The following SUGT1 variants were observed in gnomAD, a reference collection of about 807,000 sequenced individuals.
SUGT1 encodes SGT1 assembly cochaperone of MIS12 kinetochore complex.
SUGT1 carries 15 observed loss-of-function variants against 56.1 expected under a neutral mutation model. The observed-to-expected ratio is 0.27, with a 90% CI of 0.18 to 0.41. SUGT1 has a LOEUF of 0.41. Ranked by LOEUF, SUGT1 falls within the 10% of genes least tolerant of loss-of-function variation. SUGT1 has a pLI of 1.00. For missense variants in SUGT1, 347 were observed against 382.2 expected (o/e 0.91, Z 0.77); for synonymous variants, 123 against 128.6 (o/e 0.96, Z 0.30).
At position 52,695,542 on chromosome 13, in the gene SUGT1, T is replaced by C. The variant is rs918665840; in HGVS notation, c.*7707T>C. 3 of 152,228 alleles carry C rather than the reference T, an allele frequency of 2.0e-5. No individual in the cohort carries two copies. The highest frequency in any genetic ancestry group is 4.8e-5 in the African/African-American group (2 of 41,456). 9.4% of individuals were successfully genotyped at this position (152,228 alleles called of 1,614,324 possible). On this transcript the variant is annotated 3_prime_UTR_variant, in exon 13 of 13. Coordinates refer to ENST00000310528, the MANE Select transcript of SUGT1 (RefSeq NM_006704.5). Reference sequence around the variant, plus strand: ...AAATTATGTTACCAATAAATGCTACTTAAATGTAAAGTCCTTGATTTATTT... The same window carrying C: ...AAATTATGTTACCAATAAATGCTACCTAAATGTAAAGTCCTTGATTTATTT...
chr13:52,674,137 C>T (rs1192347806), intron 10 of SUGT1, among the ~76,000 whole-genome samples: 2 of 147,194 alleles, frequency 1.4e-5, no homozygotes, highest in African/African-American at 5.0e-5. Flanking sequence ...TCACTGCAGC[C>T]TCCGCCTCCC....
At chr13:52,662,280 C>T (rs1962492004) in intron 5 of SUGT1, among the ~76,000 whole-genome samples, 1 of 152,154 alleles carries the variant, frequency 6.6e-6, no homozygotes, top group Non-Finnish European at 1.5e-5. Flanking sequence ...CAAGCCTCCT[C>T]CCCACCCTAA....
intron 12 of SUGT1, among the ~76,000 whole-genome samples, chr13:52,685,200 T>G (rs9526980): frequency 0.99 from 148,952 of 150,070 alleles, 73,923 homozygotes; most frequent in East Asian, 1. Context: ...CTAAGTAGCT[T>G]GCACTATAGG....
chr13:52,656,913 A>G (rs754219051), intron 2 of SUGT1, among the ~76,000 whole-genome samples: 22 of 152,228 alleles, frequency 1.4e-4, no homozygotes, highest in Non-Finnish European at 2.8e-4. Context: ...TTGTGACTGC[A>G]CAAGTTAAAA....
chr13:52,666,723 T>C (rs1962719720), intron 9 of SUGT1, 89 bp from the exon 10 acceptor site: 2 of 817,328 alleles, frequency 2.4e-6, no homozygotes, highest in Non-Finnish European at 4.0e-6. Context: ...ATTTGTAACA[T>C]TATTGAAGAT....
At chr13:52,655,178 T>C (rs1385881252) in intron 2 of SUGT1, among the ~76,000 whole-genome samples, 1 of 152,178 alleles carries the variant, frequency 6.6e-6, no homozygotes, top group Non-Finnish European at 1.5e-5. Flanking sequence ...ACCCCGTCTC[T>C]ATTAAAAATA....
intron 10 of SUGT1, among the ~76,000 whole-genome samples, chr13:52,671,521 C>G (rs894001822): frequency 2.6e-5 from 4 of 152,136 alleles, no homozygotes; most frequent in African/African-American, 9.7e-5. Context: ...TGAATTATCT[C>G]ATGTAATTCT....
chr13:52,655,295 A>G (rs1265357035), intron 2 of SUGT1, among the ~76,000 whole-genome samples: 3 of 152,208 alleles, frequency 2.0e-5, no homozygotes, highest in Non-Finnish European at 4.4e-5. Context: ...GTGAGCTGAG[A>G]TCGCGCCATT....
rs996945797 is a variant in SUGT1, at chr13:52,696,424, G to A, written c.*8589G>A. On this transcript the variant is annotated 3_prime_UTR_variant, in exon 13 of 13. Coordinates refer to ENST00000310528, the MANE Select transcript of SUGT1 (RefSeq NM_006704.5). The stretch of plus-strand genomic sequence containing the variant: ...ATGTTATAGGGTTAGTTGCGGCTGT[G>A]TCTGTTTTACCTTGTGTGTCTTGGT... 1 of 152,120 alleles carries A rather than the reference G, an allele frequency of 6.6e-6. No homozygotes were observed. Among genetic ancestry groups the A allele is most frequent in the African/African-American group, 2.4e-5 (1 of 41,404 alleles). 9.4% of individuals were successfully genotyped at this position (152,120 alleles called of 1,614,324 possible). A position where few individuals can be genotyped will look rare whatever the true frequency, so the allele number is the denominator to read the frequency against.
At position 52,695,381 on chromosome 13, in the gene SUGT1, TA is replaced by T. The variant is rs1481423961; in HGVS notation, c.*7550del. ...GTAGTAACTTATGAATCTAGACTCT[TA>T]AAATCCCAGTTCTGATACTTTCATA... On this transcript the variant is annotated 3_prime_UTR_variant, in exon 13 of 13. Coordinates refer to ENST00000310528, the MANE Select transcript of SUGT1 (RefSeq NM_006704.5). 2 of 152,224 alleles carry T rather than the reference TA, an allele frequency of 1.3e-5. No individual in the cohort carries two copies. Among genetic ancestry groups the T allele is most frequent in the African/African-American group, 2.4e-5 (1 of 41,446 alleles). 9.4% of individuals were successfully genotyped at this position (152,224 alleles called of 1,614,324 possible).
chr13:52,694,159 A>G lies in SUGT1; in HGVS notation c.*6324A>G, dbSNP rs919701954. The G allele has an allele frequency of 1.3e-5, 2 of 152,214 alleles. No individual in the cohort carries two copies. Among genetic ancestry groups the G allele is most frequent in the East Asian group, 1.9e-4 (1 of 5,200 alleles). 9.4% of individuals were successfully genotyped at this position (152,214 alleles called of 1,614,324 possible). A position where few individuals can be genotyped will look rare whatever the true frequency, so the allele number is the denominator to read the frequency against. The stretch of plus-strand genomic sequence containing the variant: ...TCTAAAATCCAAAATTCTGACTTCA[A>G]AAACTCATCTGAGGGTTTTGGAATT... On this transcript the variant is annotated 3_prime_UTR_variant, in exon 13 of 13. Transcript: ENST00000310528.
chr13:52,670,272 A>G (rs920965836), intron 10 of SUGT1, among the ~76,000 whole-genome samples: 4 of 152,194 alleles, frequency 2.6e-5, no homozygotes, highest in Non-Finnish European at 4.4e-5. Context: ...GTAGTATCCA[A>G]TATGTTTTTC....
chr13:52,695,295 C>T lies in SUGT1; in HGVS notation c.*7460C>T, dbSNP rs1423839335. On this transcript the variant is annotated 3_prime_UTR_variant, in exon 13 of 13. Transcript: ENST00000310528. Reference sequence around the variant, plus strand: ...TTGTTATTATTTTGCTATTTCAAAACAATTGACTTTAAAAAATTATACTTC... The same window carrying T: ...TTGTTATTATTTTGCTATTTCAAAATAATTGACTTTAAAAAATTATACTTC... 6.6e-6 allele frequency: 1 copy of T among 152,050 alleles called. No individual in the cohort carries two copies. Among genetic ancestry groups the T allele is most frequent in the East Asian group, 1.9e-4 (1 of 5,196 alleles). The allele number at this position is 152,050 out of a possible 1,614,324, so 9.4% of individuals were successfully genotyped here. A position where few individuals can be genotyped will look rare whatever the true frequency, so the allele number is the denominator to read the frequency against.
At chr13:52,676,622 GT>G (rs1225355457) in intron 11 of SUGT1, among the ~76,000 whole-genome samples, 1 of 152,086 alleles carries the variant, frequency 6.6e-6, no homozygotes. Context: ...GGCCCTTCCT[GT>G]TGTTTCTTTT....
At chr13:52,657,297 A>C (rs918866713) in intron 2 of SUGT1, among the ~76,000 whole-genome samples, 4 of 152,236 alleles carry the variant, frequency 2.6e-5, no homozygotes, top group Admixed American at 6.5e-5. Flanking sequence ...ACCAGGAACT[A>C]AAAGCTTTAC....
intron 10 of SUGT1, among the ~76,000 whole-genome samples, chr13:52,675,599 C>T (rs1340539444): frequency 2.0e-5 from 3 of 152,124 alleles, no homozygotes; most frequent in Non-Finnish European, 4.4e-5. Flanking sequence ...AAAAATCTCC[C>T]ACAGCCTTGA....
rs1963701504 is a variant in SUGT1, at chr13:52,689,240, G to A, written c.*1405G>A. 6.6e-6 allele frequency: 1 copy of A among 152,074 alleles called. No individual in the cohort carries two copies. The highest frequency in any genetic ancestry group is 1.5e-5 in the Non-Finnish European group (1 of 68,026). The allele number at this position is 152,074 out of a possible 1,614,324, so 9.4% of individuals were successfully genotyped here. Reference sequence around the variant, plus strand: ...TTATAGCTTGTTTAAGCATTCTAGAGTTTTCACTTGTCCTTCTGTCCACTT... The same window carrying A: ...TTATAGCTTGTTTAAGCATTCTAGAATTTTCACTTGTCCTTCTGTCCACTT... On this transcript the variant is annotated 3_prime_UTR_variant, in exon 13 of 13. Transcript: ENST00000310528.
At chr13:52,654,896 A>G (rs897886138) in intron 2 of SUGT1, among the ~76,000 whole-genome samples, 4 of 152,220 alleles carry the variant, frequency 2.6e-5, no homozygotes, top group Non-Finnish European at 5.9e-5. Context: ...GCTTCTGTGA[A>G]TACTCTTGTA....
chr13:52,697,791 G>A lies in SUGT1; in HGVS notation c.*9956G>A, dbSNP rs889452927. ...TCATGACATCCACTCATTCATTTATGCACTTAGCAAATATTCATTGATTGC... is the reference window on the plus strand; with the variant it reads ...TCATGACATCCACTCATTCATTTATACACTTAGCAAATATTCATTGATTGC... On this transcript the variant is annotated 3_prime_UTR_variant, in exon 13 of 13. Coordinates refer to ENST00000310528, the MANE Select transcript of SUGT1 (RefSeq NM_006704.5). 5.9e-5 allele frequency: 9 copies of A among 152,120 alleles called. No individual in the cohort carries two copies. The highest frequency in any genetic ancestry group is 2.2e-4 in the African/African-American group (9 of 41,428). 9.4% of individuals were successfully genotyped at this position (152,120 alleles called of 1,614,324 possible).
Sources: gnomAD v4.1 joint callset for allele counts (sites outside exome capture counted in the v4.1 genomes callset) on GRCh38, gnomAD v4.1.1 for gene constraint, MANE v1.5 for transcripts, NCBI Gene and HGNC (gene_info 2026-07-23, HGNC 2026-07-21) for gene names.